The following ZNF341 variants were observed in gnomAD, a reference collection of about 807,000 sequenced individuals.
The protein encoded by ZNF341 is zinc finger protein 341.
In ZNF341, 52 loss-of-function variants were observed where a neutral mutation model predicts 87.7. The observed-to-expected ratio is 0.59, with a 90% CI of 0.47 to 0.75. The LOEUF (loss-of-function observed/expected upper bound fraction) is 0.75, where lower values mean the gene tolerates loss of function less well. ZNF341 is among the 30% of genes least tolerant of loss of function. The pLI is 0.00. For missense variants in ZNF341, 977 were observed against 1,145.9 expected (o/e 0.85, Z 2.13); for synonymous variants, 459 against 472.7 (o/e 0.97, Z 0.38).
rs904052265 is a variant in ZNF341, at chr20:33,770,234, C to G, written c.1564C>G (p.Gln522Glu). ...CTCGCTGTACGACCTGGGCGTGCAC[C>G]AGTACTCCCACAGCCTCCTGCCACA... Reference protein sequence around the residue: ...FPSLYDLGVHQYSHSLLPQHS... With the variant: ...FPSLYDLGVHEYSHSLLPQHS... The change falls in exon 10 of 15, where the codon CAG (glutamine) becomes GAG (glutamate). Residue 522 changes from glutamine (Q) to glutamate (E), a missense_variant. By Grantham distance (29) the Gln-to-Glu change is conservative (BLOSUM62 2). Coordinates refer to ENST00000375200, the MANE Select transcript of ZNF341 (RefSeq NM_001282933.2). 6 of 1,613,498 alleles carry G rather than the reference C, an allele frequency of 3.7e-6. No individual in the cohort carries two copies. Among genetic ancestry groups the G allele is most frequent in the Non-Finnish European group, 5.1e-6 (6 of 1,179,826 alleles).
chr20:33,781,144 A>G, intron 10 of ZNF341, 147 bp from the exon 11 acceptor site: 1 of 692,766 alleles, frequency 1.4e-6, no homozygotes, highest in Non-Finnish European at 2.6e-6. Flanking sequence ...AGATGAGGAC[A>G]GGCAGTGGCA....
intron 8 of ZNF341, among the ~76,000 whole-genome samples, chr20:33,765,249 G>T (rs115641861): frequency 0.014 from 2,191 of 152,226 alleles, 51 homozygotes; most frequent in African/African-American, 0.051. Context: ...CACATGCTAG[G>T]TAATGAAGGG....
At chr20:33,774,224 G>C (rs1005084222) in intron 10 of ZNF341, among the ~76,000 whole-genome samples, 2 of 152,052 alleles carry the variant, frequency 1.3e-5, no homozygotes, top group African/African-American at 4.8e-5. Flanking sequence ...CTCGGGAGGT[G>C]GAGGTTGCAG....
In ZNF341 at chr20:33,732,558, C is replaced by T. The variant is rs2018594318; in HGVS notation, c.31+506C>T. 6.6e-6 allele frequency among the ~76,000 whole-genome samples: 1 copy of T among 152,258 alleles called. No homozygotes were observed. The highest frequency in any genetic ancestry group is 2.1e-4 in the South Asian group (1 of 4,834). ...CAGACCACAGCAGCAGAGGCGCCACCTGTGTGCACAGCCTGGACTCAGAGC... is the reference window on the plus strand; with the variant it reads ...CAGACCACAGCAGCAGAGGCGCCACTTGTGTGCACAGCCTGGACTCAGAGC... On this transcript the variant is annotated intron_variant, in intron 1 of 14. Coordinates refer to ENST00000375200, the MANE Select transcript of ZNF341 (RefSeq NM_001282933.2). This position sits in a 1 kb window ranked among gnomAD's most constrained non-coding sequence, Gnocchi z 4.5.
intron 10 of ZNF341, among the ~76,000 whole-genome samples, chr20:33,771,938 C>A (rs543954609): frequency 7.0e-6 from 1 of 142,420 alleles, no homozygotes; most frequent in African/African-American, 2.6e-5. Flanking sequence ...TTGCTTGAGC[C>A]CAGGAGGTTA....
chr20:33,762,102 C>T (rs373299871), intron 8 of ZNF341, 47 bp downstream of exon 8: 44 of 1,478,860 alleles, frequency 3.0e-5, no homozygotes, highest in South Asian at 4.2e-5. Flanking sequence ...TCTCTTCTGC[C>T]GCTTCACAGG....
intron 2 of ZNF341, among the ~76,000 whole-genome samples, chr20:33,743,627 G>T (rs966402898): frequency 2.6e-5 from 4 of 152,040 alleles, no homozygotes; most frequent in Admixed American, 2.0e-4. Flanking sequence ...GTGTGAGTGA[G>T]CCACCTCGCC....
intron 1 of ZNF341, among the ~76,000 whole-genome samples, chr20:33,737,525 A>G (rs2018716209): frequency 6.6e-6 from 1 of 152,044 alleles, no homozygotes; most frequent in African/African-American, 2.4e-5. Flanking sequence ...GTTTTACCGT[A>G]TTAGCCAGGA....
intron 4 of ZNF341, among the ~76,000 whole-genome samples, chr20:33,750,920 C>T (rs1031449431): frequency 3.3e-5 from 5 of 152,000 alleles, no homozygotes; most frequent in Admixed American, 2.0e-4. Context: ...GGATTACAGG[C>T]GTGAGCCACC....
chr20:33,741,086 G>A, intron 2 of ZNF341, 74 bp downstream of exon 2: 1 of 1,409,066 alleles, frequency 7.1e-7, no homozygotes, highest in Non-Finnish European at 1.0e-6. Flanking sequence ...CTTGTGCTGG[G>A]CTGTGGGAGT....
chr20:33,733,076 T>C (rs990496658), intron 1 of ZNF341, among the ~76,000 whole-genome samples: 1 of 152,174 alleles, frequency 6.6e-6, no homozygotes, highest in African/African-American at 2.4e-5. Context: ...AGACGGAGTC[T>C]CACTCTGTCG....
chr20:33,754,033 G>A (rs1471193611), intron 5 of ZNF341, among the ~76,000 whole-genome samples: 1 of 152,174 alleles, frequency 6.6e-6, no homozygotes, highest in Non-Finnish European at 1.5e-5. Context: ...GGTTCTCATG[G>A]CCATGGTGGA....
At chr20:33,748,070 G>A (rs2018970513) in intron 3 of ZNF341, among the ~76,000 whole-genome samples, 1 of 151,742 alleles carries the variant, frequency 6.6e-6, no homozygotes, top group Non-Finnish European at 1.5e-5. Flanking sequence ...ATAGATACAA[G>A]GAAGTATTTT....
At chr20:33,760,800 T>C (rs1202881736) in intron 7 of ZNF341, among the ~76,000 whole-genome samples, 3 of 152,104 alleles carry the variant, frequency 2.0e-5, no homozygotes, top group Non-Finnish European at 2.9e-5. Flanking sequence ...CGTCTCAGCT[T>C]TCCAAAGTGC....
At chr20:33,780,425 T>A (rs1431309286) in intron 10 of ZNF341, among the ~76,000 whole-genome samples, 4 of 151,726 alleles carry the variant, frequency 2.6e-5, no homozygotes, top group Non-Finnish European at 5.9e-5. Flanking sequence ...GTTTCTTTTT[T>A]GAGACAGAGT....
At chr20:33,770,597 T>C (rs1425761836) in intron 10 of ZNF341, among the ~76,000 whole-genome samples, 1 of 152,220 alleles carries the variant, frequency 6.6e-6, no homozygotes, top group African/African-American at 2.4e-5. Flanking sequence ...AGCATTTTAT[T>C]CCAAACTAAA....
At chr20:33,744,648 GT>G (rs1323718568) in intron 2 of ZNF341, among the ~76,000 whole-genome samples, 1 of 152,140 alleles carries the variant, frequency 6.6e-6, no homozygotes, top group Non-Finnish European at 1.5e-5. Flanking sequence ...CTGGAGTGCA[GT>G]GGCACGATCT....
chr20:33,778,798 G>C (rs2019678747), intron 10 of ZNF341, among the ~76,000 whole-genome samples: 2 of 152,216 alleles, frequency 1.3e-5, no homozygotes, highest in African/African-American at 4.8e-5. Flanking sequence ...ATAACTCATT[G>C]TAAATAGGTC....
intron 8 of ZNF341, among the ~76,000 whole-genome samples, chr20:33,762,264 A>G (rs564500444): frequency 5.9e-5 from 9 of 152,260 alleles, no homozygotes; most frequent in African/African-American, 2.2e-4. Context: ...CATGGCAGAC[A>G]TCACTATTCA....
Sources: gnomAD v4.1 joint callset for allele counts (sites outside exome capture counted in the v4.1 genomes callset) on GRCh38, gnomAD v4.1.1 for gene constraint, Gnocchi (gnomAD v3.1) non-coding constraint, MANE v1.5 for transcripts, NCBI Gene and HGNC (gene_info 2026-07-23, HGNC 2026-07-21) for gene names.